Variants in NFYA observed in about 807,000 individuals in gnomAD.
NFYA encodes the protein CAAT-box DNA binding protein subunit A.
Under a neutral mutation model 52.8 loss-of-function variants are expected in NFYA, and 28 were observed. That is an observed-to-expected ratio of 0.53 (90% CI 0.39 to 0.73). The LOEUF (loss-of-function observed/expected upper bound fraction) is 0.73. NFYA is among the 30% of genes least tolerant of loss of function. NFYA has a pLI of 0.00. For synonymous variants in NFYA, 150 were observed against 150.7 expected (o/e 1.00, Z 0.03); for missense variants, 234 against 427.0 (o/e 0.55, Z 3.98).
In NFYA at chr6:41,101,939, T is replaced by C. The variant is rs1363754709; in HGVS notation, c.*4529T>C. The stretch of plus-strand genomic sequence containing the variant: ...ATCTGTTTCCTTTACACTGGCCTGA[T>C]GTGTGGGGAGAAAGGGGCCAAAAAG... On this transcript the variant is annotated 3_prime_UTR_variant, in exon 10 of 10. Transcript: ENST00000341376. 6.6e-6 allele frequency: 1 copy of C among 152,234 alleles called. No individual in the cohort carries two copies. The highest frequency in any genetic ancestry group is 1.5e-5 in the Non-Finnish European group (1 of 68,062). The allele number at this position is 152,234 out of a possible 1,614,324, so 9.4% of individuals were successfully genotyped here.
intron 2 of NFYA, among the ~76,000 whole-genome samples, chr6:41,079,825 T>C (rs760089513): frequency 6.6e-6 from 1 of 152,208 alleles, no homozygotes; most frequent in Non-Finnish European, 1.5e-5. Context: ...AAGATTGATA[T>C]TTTGGAAATA....
chr6:41,090,960 A>G (rs1764184129), intron 6 of NFYA, among the ~76,000 whole-genome samples: 1 of 152,254 alleles, frequency 6.6e-6, no homozygotes, highest in African/African-American at 2.4e-5. Context: ...TGCAATATAC[A>G]GGATCCAGAG....
At chr6:41,088,722 C>T (rs1183171115) in intron 4 of NFYA, among the ~76,000 whole-genome samples, 3 of 151,562 alleles carry the variant, frequency 2.0e-5, no homozygotes, top group Non-Finnish European at 4.4e-5. Flanking sequence ...GTAGCTGGGA[C>T]CACAGGCATG....
At chr6:41,095,637 C>G (rs897112553) in intron 9 of NFYA, among the ~76,000 whole-genome samples, 3 of 152,160 alleles carry the variant, frequency 2.0e-5, no homozygotes, top group African/African-American at 7.2e-5. Flanking sequence ...CACTTTGTTG[C>G]CCAGGCAGGT....
At position 41,100,967 on chromosome 6, in the gene NFYA, G is replaced by T. The variant is rs6900152; in HGVS notation, c.*3557G>T. 0.22 allele frequency: 33,119 copies of T among 151,218 alleles called. 5,305 individuals carry two copies. The highest frequency in any genetic ancestry group is 0.45 in the African/African-American group (18,661 of 41,468). The allele number at this position is 151,218 out of a possible 1,614,324, so 9.4% of individuals were successfully genotyped here. The stretch of plus-strand genomic sequence containing the variant: ...GGCAGGCCTCCAATAGAGCCTGCTA[G>T]GCGGATTGGCTGCTACGCGGCTGGG... On this transcript the variant is annotated 3_prime_UTR_variant, in exon 10 of 10. Coordinates refer to ENST00000341376, the MANE Select transcript of NFYA (RefSeq NM_002505.5).
chr6:41,077,144 CATATA>C (rs1561849669), intron 1 of NFYA, among the ~76,000 whole-genome samples: 1 of 152,112 alleles, frequency 6.6e-6, no homozygotes, highest in Non-Finnish European at 1.5e-5. Flanking sequence ...GAAAAAATCT[CATATA>C]AGAAGGAAAT....
rs1764390719 is a variant in NFYA, at chr6:41,097,381, G to A, written c.1015G>A (p.Ala339Thr). The change falls in exon 10 of 10, where the codon GCA becomes ACA. Residue 339 changes from alanine to threonine, a missense_variant. Physicochemically the swap from Ala to Thr is moderately conservative, Grantham distance 58 (BLOSUM62 0). This residue lies in a region of NFYA where 35 missense variants were observed against 34.2 expected (regional missense o/e 1.02). Transcript: ENST00000341376. The part of the protein sequence containing the change: ...MQDPNQADEE[A>T]MTQIIRVS ...GGATCCAAACCAAGCCGATGAAGAA[G>A]CAATGACACAGATCATCCGAGTGTC... 2 of 1,614,028 alleles carry A rather than the reference G, an allele frequency of 1.2e-6. No individual in the cohort carries two copies. Among genetic ancestry groups the A allele is most frequent in the Non-Finnish European group, 1.7e-6 (2 of 1,179,918 alleles).
At chr6:41,080,206 C>G (rs537557362) in intron 2 of NFYA, among the ~76,000 whole-genome samples, 1 of 152,218 alleles carries the variant, frequency 6.6e-6, no homozygotes, top group African/African-American at 2.4e-5. Flanking sequence ...CCCAGCTACT[C>G]TGGAGGCTGA....
chr6:41,089,750 T>G (rs1191186956), intron 5 of NFYA, 40 bp downstream of exon 5: 1 of 1,598,716 alleles, frequency 6.3e-7, no homozygotes, highest in African/African-American at 1.3e-5. Context: ...CAAAACTGAT[T>G]TGGAAGAGTC....
chr6:41,090,993 G>A (rs1764184991), intron 6 of NFYA, among the ~76,000 whole-genome samples: 1 of 152,200 alleles, frequency 6.6e-6, no homozygotes, highest in African/African-American at 2.4e-5. Context: ...GTGTGCTCTT[G>A]TATTACTCCA....
intron 4 of NFYA, among the ~76,000 whole-genome samples, chr6:41,087,716 TA>T (rs34732690): frequency 1.0e-4 from 15 of 149,012 alleles, no homozygotes; most frequent in East Asian, 2.0e-4. Context: ...CTTTTGCACT[TA>T]AAAAAAAAAG....
chr6:41,077,275 T>C (rs1220138392), intron 1 of NFYA, among the ~76,000 whole-genome samples: 1 of 152,182 alleles, frequency 6.6e-6, no homozygotes, highest in Non-Finnish European at 1.5e-5. Context: ...TAAATGTGTA[T>C]TTTGATGAGT....
chr6:41,073,555 G>A (rs951887651), intron 1 of NFYA, among the ~76,000 whole-genome samples: 1 of 151,968 alleles, frequency 6.6e-6, no homozygotes, highest in African/African-American at 2.4e-5. Context: ...GCCTCCCCGG[G>A]GCCCGCGCCC....
At chr6:41,078,805 G>C (rs1251691620) in intron 1 of NFYA, among the ~76,000 whole-genome samples, 1 of 152,184 alleles carries the variant, frequency 6.6e-6, no homozygotes, top group Non-Finnish European at 1.5e-5. Flanking sequence ...GAAAGGTAAG[G>C]TTGCCAGTAT....
chr6:41,078,666 A>C lies in NFYA; in HGVS notation c.-61-363A>C, dbSNP rs186661896. 3.9e-3 allele frequency among the ~76,000 whole-genome samples: 590 copies of C among 152,340 alleles called. 11 individuals are homozygous for C. In the South Asian group the frequency reaches 0.061, roughly 16 times the overall value. On this transcript the variant is annotated intron_variant, in intron 1 of 9. Transcript: ENST00000341376. ...GTTTGGTGGGAAGCAATTACGTGTTACAACTTAAAGAAGCTTTATTCTCTA... is the reference window on the plus strand; with the variant it reads ...GTTTGGTGGGAAGCAATTACGTGTTCCAACTTAAAGAAGCTTTATTCTCTA...
At position 41,084,103 on chromosome 6, in the gene NFYA, G is replaced by A. The variant is rs1582027157; in HGVS notation, c.220G>A (p.Gly74Ser). The change falls in exon 4 of 10, where the codon GGC becomes AGC. Residue 74 changes from glycine to serine, a missense_variant. Physicochemically the swap from Gly to Ser is moderately conservative, Grantham distance 56 (BLOSUM62 0). This residue lies in a region of NFYA where 118 missense variants were observed against 182.4 expected (regional missense o/e 0.65). Coordinates refer to ENST00000341376, the MANE Select transcript of NFYA (RefSeq NM_002505.5). ...VSGGQLITST[G>S]QPIMVQAVPG... ...TGGAGGCCAGCTAATCACATCAACT[G>A]GCCAACCCATCATGGTCCAGGCTGT... 6.2e-7 allele frequency: 1 copy of A among 1,614,094 alleles called. No individual in the cohort carries two copies. The highest frequency in any genetic ancestry group is 8.5e-7 in the Non-Finnish European group (1 of 1,179,994).
At chr6:41,077,784 C>T (rs1346783851) in intron 1 of NFYA, among the ~76,000 whole-genome samples, 2 of 152,148 alleles carry the variant, frequency 1.3e-5, no homozygotes, top group Non-Finnish European at 2.9e-5. Context: ...AGAAATTTAC[C>T]TAGCGAGCAT....
At chr6:41,086,315 G>A (rs1051473242) in intron 4 of NFYA, among the ~76,000 whole-genome samples, 1 of 152,080 alleles carries the variant, frequency 6.6e-6, no homozygotes, top group Non-Finnish European at 1.5e-5. Context: ...ATGATATCTA[G>A]GGTTCATTCT....
At chr6:41,076,214 C>G (rs1763729364) in intron 1 of NFYA, among the ~76,000 whole-genome samples, 1 of 152,040 alleles carries the variant, frequency 6.6e-6, no homozygotes, top group Admixed American at 6.6e-5. Context: ...TTGAGACCAG[C>G]CTGGGTAGCA....
Sources: gnomAD v4.1 joint callset for allele counts (sites outside exome capture counted in the v4.1 genomes callset) on GRCh38, gnomAD v4.1.1 for gene constraint, gnomAD v4.1.1 regional missense constraint, MANE v1.5 for transcripts, NCBI Gene and HGNC (gene_info 2026-07-23, HGNC 2026-07-21) for gene names.